Variants in KIZ observed in about 807,000 individuals in gnomAD.
The protein encoded by KIZ is centrosomal protein kizuna.
In KIZ, 68 loss-of-function variants were observed where a neutral mutation model predicts 79.6. The observed-to-expected ratio is 0.85, with a 90% CI of 0.70 to 1.05. The LOEUF (loss-of-function observed/expected upper bound fraction) is 1.05. KIZ is among the 50% of genes least tolerant of loss of function. The pLI, the probability that KIZ is intolerant of heterozygous loss-of-function variation, is 0.00. For synonymous variants in KIZ, 280 were observed against 281.8 expected (o/e 0.99, Z 0.06); for missense variants, 797 against 800.4 (o/e 1.00, Z 0.05).
chr20:21,146,291 G>A (rs553686272), intron 4 of KIZ, among the ~76,000 whole-genome samples: 2 of 96,680 alleles, frequency 2.1e-5, no homozygotes, highest in East Asian at 5.7e-4. Flanking sequence ...GTAGTCACTT[G>A]TGACTATGTG....
At chr20:21,224,593 G>A (rs769637788) in intron 9 of KIZ, among the ~76,000 whole-genome samples, 14 of 152,170 alleles carry the variant, frequency 9.2e-5, no homozygotes, top group South Asian at 2.1e-4. Context: ...GTTCAAGGTC[G>A]GTTTTTTAGC....
At chr20:21,187,444 G>T (rs1399583840) in intron 6 of KIZ, among the ~76,000 whole-genome samples, 1 of 152,174 alleles carries the variant, frequency 6.6e-6, no homozygotes, top group Admixed American at 6.5e-5. Context: ...ATTGGCCTCT[G>T]TGGAGACTCA....
Position 21,163,103 on chromosome 20 carries a change from A to C in KIZ, c.1296A>C (p.Gln432His). The part of the protein sequence containing the change: ...ALSTEKNCIL[Q>H]TLSSPDSEKE... ...CCACTGAAAAAAATTGTATTTTGCA[A>C]ACCCTAAGCTCTCCTGATTCAGAAA... The change falls in exon 6 of 13, where the codon CAA becomes CAC. Residue 432 changes from glutamine (Q) to histidine (H), a missense_variant. By Grantham distance (24) the Gln-to-His change is conservative. Coordinates refer to ENST00000619189, the MANE Select transcript of KIZ (RefSeq NM_018474.6). 1 of 1,613,852 alleles carries C rather than the reference A, an allele frequency of 6.2e-7. No homozygotes were observed. The highest frequency in any genetic ancestry group is 1.1e-5 in the South Asian group (1 of 91,062).
intron 1 of KIZ, among the ~76,000 whole-genome samples, chr20:21,127,312 C>A (rs1472296478): frequency 6.6e-6 from 1 of 152,178 alleles, no homozygotes; most frequent in Non-Finnish European, 1.5e-5. Context: ...GAAATCTCTT[C>A]CTGTAGAGCC....
chr20:21,159,300 T>C (rs1256267472), intron 4 of KIZ, among the ~76,000 whole-genome samples: 1 of 152,162 alleles, frequency 6.6e-6, no homozygotes, highest in Non-Finnish European at 1.5e-5. Context: ...CTTCCTAATC[T>C]CAGATTAGCT....
At chr20:21,193,980 A>G (rs1241655917) in intron 6 of KIZ, 1 of 152,092 alleles carries the variant, frequency 6.6e-6, no homozygotes, top group Non-Finnish European at 1.5e-5. Context: ...CGTTGTGCAC[A>G]TGTACCCTAA....
Position 21,232,817 on chromosome 20 carries a change from A to C in KIZ, c.1867A>C (p.Ser623Arg), listed in dbSNP as rs1569000280. 1.3e-6 allele frequency: 2 copies of C among 1,532,582 alleles called. No individual in the cohort carries two copies. The highest frequency in any genetic ancestry group is 1.8e-6 in the Non-Finnish European group (2 of 1,115,388). 94.9% of individuals were successfully genotyped at this position (1,532,582 alleles called of 1,614,324 possible). ...AGCTAGTTTTTCATCTAGTGAAGGA[A>C]GTCCTTTGTCAAGGTAAAGTTGTGA... is the stretch of plus-strand genomic sequence containing the variant. ...SEASFSSSEG[S>R]PLSRHENKKK... Residue 623 changes from serine to arginine, a missense_variant, in exon 11 of 13, where the codon AGT (serine) becomes CGT (arginine). Coordinates refer to ENST00000619189, the MANE Select transcript of KIZ (RefSeq NM_018474.6).
At chr20:21,159,047 A>C (rs958963204) in intron 4 of KIZ, among the ~76,000 whole-genome samples, 2 of 148,836 alleles carry the variant, frequency 1.3e-5, no homozygotes, top group Admixed American at 1.3e-4. Context: ...TGCTCTTGTC[A>C]CCCAGGCTGG....
chr20:21,243,504 C>G (rs1293466766), intron 11 of KIZ, among the ~76,000 whole-genome samples: 1 of 152,088 alleles, frequency 6.6e-6, no homozygotes, highest in East Asian at 1.9e-4. Context: ...GGTTTCTCTC[C>G]CAACATCTCC....
In KIZ at chr20:21,214,688, A is replaced by G; in HGVS notation, c.1600A>G (p.Thr534Ala). 3 of 1,608,256 alleles carry G rather than the reference A, an allele frequency of 1.9e-6. No individual in the cohort carries two copies. Among genetic ancestry groups the G allele is most frequent in the South Asian group, 1.1e-5 (1 of 90,908 alleles). The change falls in exon 8 of 13, where the codon ACA (threonine) becomes GCA (alanine). Residue 534 changes from threonine (T) to alanine (A), a missense_variant. Physicochemically the swap from Thr to Ala is moderately conservative, Grantham distance 58 (BLOSUM62 0). Coordinates refer to ENST00000619189, the MANE Select transcript of KIZ (RefSeq NM_018474.6). ...KPAVWLNSVP[T>A]REQEVSSGCG... is the part of the protein sequence containing the mutation. ...TGCTGTATGGCTCAACAGTGTTCCT[A>G]CAAGGGAACAAGGTAACTATTGTTA...
At chr20:21,220,674 T>C (rs1011107871) in intron 9 of KIZ, among the ~76,000 whole-genome samples, 1 of 151,900 alleles carries the variant, frequency 6.6e-6, no homozygotes, top group South Asian at 2.1e-4. Flanking sequence ...ATAGAGACGG[T>C]TTTGCCCCGT....
At chr20:21,245,454 C>T (rs950431776) in intron 12 of KIZ, 8 of 152,208 alleles carry the variant, frequency 5.3e-5, no homozygotes, top group African/African-American at 1.9e-4. Flanking sequence ...CGTTTGTTTG[C>T]ACAGTGAAAT....
intron 3 of KIZ, among the ~76,000 whole-genome samples, chr20:21,140,701 G>C (rs952232060): frequency 6.6e-6 from 1 of 152,100 alleles, no homozygotes; most frequent in African/African-American, 2.4e-5. Context: ...TATTAGGTCT[G>C]GGCATGGTGG....
intron 10 of KIZ, among the ~76,000 whole-genome samples, chr20:21,232,225 C>T (rs1421820365): frequency 6.6e-6 from 1 of 152,214 alleles, no homozygotes; most frequent in African/African-American, 2.4e-5. Flanking sequence ...TCCTCCTCCT[C>T]AACCTTTAGA....
chr20:21,169,484 G>A (rs989687531), intron 6 of KIZ, among the ~76,000 whole-genome samples: 1 of 152,202 alleles, frequency 6.6e-6, no homozygotes, highest in South Asian at 2.1e-4. Context: ...ATTGATGGGA[G>A]TGTAAACTAG....
At chr20:21,140,310 G>T (rs1278116386) in intron 3 of KIZ, among the ~76,000 whole-genome samples, 1 of 152,156 alleles carries the variant, frequency 6.6e-6, no homozygotes, top group African/African-American at 2.4e-5. Flanking sequence ...AATGCCACAG[G>T]TATTGCACCT....
chr20:21,132,678 C>A (rs761988491), intron 2 of KIZ, among the ~76,000 whole-genome samples: 4 of 152,114 alleles, frequency 2.6e-5, no homozygotes, highest in Non-Finnish European at 4.4e-5. Flanking sequence ...TGGTTAAAAT[C>A]GGTATGAGAT....
In KIZ at chr20:21,161,812, A is replaced by AG. The variant is rs566449115; in HGVS notation, c.406-59_406-58insG. 1.7e-3 allele frequency: 2,024 copies of AG among 1,219,246 alleles called. 21 individuals carry two copies. In the African/African-American group the frequency reaches 0.028, roughly 17 times the overall value. 75.5% of individuals were successfully genotyped at this position (1,219,246 alleles called of 1,614,324 possible). On this transcript the variant is annotated intron_variant, in intron 4 of 12. Transcript: ENST00000619189. ...CCTTTCATTTCTGGAAAAAAAAAAA[A>AG]ACCCCACCTAATTGTTTATACACAG...
At position 21,240,087 on chromosome 20, in the gene KIZ, A is replaced by G. The variant is rs1043148013; in HGVS notation, c.1881-4158A>G. 9.2e-5 allele frequency among the ~76,000 whole-genome samples: 14 copies of G among 152,190 alleles called. 1 individual carries two copies. Among genetic ancestry groups the G allele is most frequent in the Non-Finnish European group, 1.9e-4 (13 of 68,042 alleles). On this transcript the variant is annotated intron_variant, in intron 11 of 12. Coordinates refer to ENST00000619189, the MANE Select transcript of KIZ (RefSeq NM_018474.6). ...AGCTACTGGGAAATTCTGCAGAGAT[A>G]ATTGTCCCATTACTTTTTAATTAAT...
Sources: allele counts gnomAD v4.1 joint callset (sites outside exome capture counted in the v4.1 genomes callset), GRCh38; gene constraint gnomAD v4.1.1; transcripts MANE v1.5; gene names NCBI Gene and HGNC (gene_info 2026-07-23, HGNC 2026-07-21).